DENND4C: variants seen among roughly 807,000 people sequenced by gnomAD.
DENND4C encodes the protein DENN domain containing 4C, also known as DENN domain-containing protein 4C.
In DENND4C, 108 loss-of-function variants were observed where a neutral mutation model predicts 203.0. The ratio of observed to expected loss-of-function variants is 0.53; its 90% CI spans 0.46 to 0.62. The LOEUF is 0.62. Among genes scored for constraint, DENND4C ranks in the 20% least tolerant of loss-of-function variants. The pLI is 0.00. For missense variants in DENND4C, 2,481 were observed against 2,301.2 expected, an observed-to-expected ratio of 1.08 and a Z score of -1.60; for synonymous variants, 871 against 792.4, an observed-to-expected ratio of 1.10 and a Z score of -1.67.
rs1047089780 is a variant in DENND4C, at chr9:19,286,636, G to A, written c.306-133G>A. On this transcript the variant is annotated intron_variant, in intron 2 of 32. Transcript: ENST00000434457. ...AGTGAAGATTTGGGAAACAATAGGA[G>A]AGACCAAAAAAATTTTCTTTGATTT... 5 of 800,024 alleles carry A rather than the reference G, an allele frequency of 6.2e-6. No homozygotes were observed. In the African/African-American group the frequency reaches 7.2e-5, roughly 11 times the overall value. The allele number at this position is 800,024 out of a possible 1,614,324, so 49.6% of individuals were successfully genotyped here. A position where few individuals can be genotyped will look rare whatever the true frequency, so the allele number is the denominator to read the frequency against.
chr9:19,300,638 T>C (rs112241219), intron 9 of DENND4C, among the ~76,000 whole-genome samples: 49 of 152,324 alleles, frequency 3.2e-4, no homozygotes, highest in African/African-American at 1.1e-3. Flanking sequence ...GCTGGTTGTA[T>C]TGAGAGGCTC....
intron 2 of DENND4C, among the ~76,000 whole-genome samples, chr9:19,283,370 C>T (rs1834518912): frequency 6.6e-6 from 1 of 151,972 alleles, no homozygotes; most frequent in Admixed American, 6.6e-5. Context: ...AAGGACCTGC[C>T]TGAGACTGTT....
At position 19,358,291 on chromosome 9, in the gene DENND4C, A is replaced by G. The variant is rs1825807042; in HGVS notation, c.5160+131A>G. 3 of 726,604 alleles carry G rather than the reference A, an allele frequency of 4.1e-6. No homozygotes were observed. Among genetic ancestry groups the G allele is most frequent in the South Asian group, 7.4e-5 (2 of 27,154 alleles). 45.0% of individuals were successfully genotyped at this position (726,604 alleles called of 1,614,324 possible). A position where few individuals can be genotyped will look rare whatever the true frequency, so the allele number is the denominator to read the frequency against. On this transcript the variant is annotated intron_variant, in intron 28 of 32. Coordinates refer to ENST00000434457, the MANE Select transcript of DENND4C (RefSeq NM_001330640.2). The surrounding 1 kb of genome is among the most constrained non-coding windows in gnomAD (Gnocchi z 4.8). Reference sequence around the variant, plus strand: ...TGATAGAGTTTTTCCATAAACAAATAACTTTTTATTGTGGAGAATTTCAAA... The same window carrying G: ...TGATAGAGTTTTTCCATAAACAAATGACTTTTTATTGTGGAGAATTTCAAA...
chr9:19,296,364 CTTTTTT>C (rs749134604), intron 6 of DENND4C, 118 bp downstream of exon 6: 2 of 480,570 alleles, frequency 4.2e-6, no homozygotes, highest in Admixed American at 3.7e-5. Context: ...TTTAACTGAA[CTTTTTT>C]TTTTTTTTTT....
intron 1 of DENND4C, among the ~76,000 whole-genome samples, chr9:19,235,490 A>C (rs1821707705): frequency 6.6e-6 from 1 of 151,968 alleles, no homozygotes; most frequent in Admixed American, 6.6e-5. Flanking sequence ...TGTAATTCTT[A>C]TACTCTTATA....
At chr9:19,285,299 A>G (rs1834960857) in intron 2 of DENND4C, among the ~76,000 whole-genome samples, 2 of 152,112 alleles carry the variant, frequency 1.3e-5, no homozygotes, top group South Asian at 2.1e-4. Flanking sequence ...TAACAGCTTT[A>G]TGGAGATACA....
At chr9:19,351,635 T>G (rs758125462) in intron 24 of DENND4C, among the ~76,000 whole-genome samples, 53 of 151,826 alleles carry the variant, frequency 3.5e-4, no homozygotes, top group Admixed American at 7.2e-4. Context: ...AGTGAAACCG[T>G]CTCTACTAAA....
rs1197172453 is a variant in DENND4C at position 19,242,723 on chromosome 9, T to A, written c.-18+11890T>A. 6.6e-5 allele frequency among the ~76,000 whole-genome samples: 10 copies of A among 152,162 alleles called. No homozygotes were observed. The East Asian group carries it at 1.4e-3, about 21-fold the overall frequency. ...CAGGCTGGAGTGCAATGGCGAGATC[T>A]CGGCTCACTGCAACCTCTGCCTCCT... On this transcript the variant is annotated intron_variant, in intron 1 of 32. Coordinates refer to ENST00000434457, the MANE Select transcript of DENND4C (RefSeq NM_001330640.2).
At chr9:19,371,647 T>C (rs764635238) in intron 31 of DENND4C, 109 bp from the exon 32 acceptor site, 17 of 607,016 alleles carry the variant, frequency 2.8e-5, no homozygotes, top group Non-Finnish European at 3.9e-5. Flanking sequence ...GACATAGTTA[T>C]ATTACTATTA....
intron 16 of DENND4C, among the ~76,000 whole-genome samples, chr9:19,328,484 G>T (rs919443349): frequency 6.6e-6 from 1 of 151,878 alleles, no homozygotes; most frequent in Non-Finnish European, 1.5e-5. Context: ...GTGGTGTCAG[G>T]CGCCTGTGAT....
intron 10 of DENND4C, among the ~76,000 whole-genome samples, chr9:19,315,059 C>T (rs1053293405): frequency 6.7e-6 from 1 of 150,006 alleles, no homozygotes; most frequent in East Asian, 2.0e-4. Context: ...ACTCAGGAGG[C>T]TGAGGCAGGA....
At chr9:19,337,845 A>G (rs899589553) in intron 20 of DENND4C, among the ~76,000 whole-genome samples, 1 of 152,124 alleles carries the variant, frequency 6.6e-6, no homozygotes, top group Non-Finnish European at 1.5e-5. Context: ...CTAACTTTTT[A>G]TGGTCAGTTT....
chr9:19,280,576 T>C (rs1275179017), intron 2 of DENND4C, among the ~76,000 whole-genome samples: 1 of 152,134 alleles, frequency 6.6e-6, no homozygotes, highest in Admixed American at 6.5e-5. Context: ...CTTAAGAAGA[T>C]AGGTAATATA....
rs376927957 is a variant in DENND4C at position 19,346,833 on chromosome 9, T to C, written c.4064T>C (p.Phe1355Ser). The C allele has an allele frequency of 6.8e-6, 11 of 1,614,060 alleles. No individual in the cohort carries two copies. The highest frequency in any genetic ancestry group is 4.0e-5 in the African/African-American group (3 of 74,926). Residue 1355 changes from phenylalanine to serine, a missense_variant, in exon 23 of 33, where the codon TTT becomes TCT. By Grantham distance (155) the Phe-to-Ser change is radical. Around this residue, in one of 3 missense-constraint regions of DENND4C, gnomAD observed 2,289 missense variants for 2,113.3 expected, o/e 1.08. Transcript: ENST00000434457. ...SSPAVSRSKT[F>S]TGRFKQQTPS... ...CCTGCAGTGTCCAGGTCTAAAACTTTTACTGGGCGTTTCAAGCAGCAAACC... is the reference window on the plus strand; with the variant it reads ...CCTGCAGTGTCCAGGTCTAAAACTTCTACTGGGCGTTTCAAGCAGCAAACC...
In DENND4C at chr9:19,341,016, G is replaced by C. The variant is rs1032288013; in HGVS notation, c.2906G>C (p.Gly969Ala). 1 of 1,612,636 alleles carries C rather than the reference G, an allele frequency of 6.2e-7. No homozygotes were observed. The highest frequency in any genetic ancestry group is 2.2e-5 in the East Asian group (1 of 44,750). The change falls in exon 21 of 33, where the codon GGG becomes GCG. Residue 969 changes from glycine to alanine, a missense_variant. Coordinates refer to ENST00000434457, the MANE Select transcript of DENND4C (RefSeq NM_001330640.2). Reference sequence around the variant, plus strand: ...GGTGGTCAGTCTGACCAAGGATACGGGTCTAAGGATGAACTTATAAAGGAT... The same window carrying C: ...GGTGGTCAGTCTGACCAAGGATACGCGTCTAAGGATGAACTTATAAAGGAT... ...STGGQSDQGYGSKDELIKDDA... is the reference protein window; with the variant it reads ...STGGQSDQGYASKDELIKDDA...
chr9:19,240,584 T>C (rs1182873300), intron 1 of DENND4C, among the ~76,000 whole-genome samples: 1 of 151,814 alleles, frequency 6.6e-6, no homozygotes, highest in Non-Finnish European at 1.5e-5. Context: ...GAGAATCACT[T>C]GAACCTGGGA....
rs150320765 is a variant in DENND4C at position 19,299,246 on chromosome 9, A to G, written c.1125A>G (p.Ala375=). The G allele has an allele frequency of 6.3e-7, 1 of 1,584,456 alleles. No individual in the cohort carries two copies. Residue 375 remains alanine (A), a synonymous_variant, in exon 8 of 33, where the codon GCA becomes GCG. Transcript: ENST00000434457. ...TTTTTAAGCTGTCAGTCCATGATGC[A>G]TTAATATTATCACAGCCAGTTTCTA... ...RILVQLSVHD[A]LILSQPVSTP...
chr9:19,314,033 G>A (rs879930545), intron 10 of DENND4C, among the ~76,000 whole-genome samples: 95 of 152,260 alleles, frequency 6.2e-4, no homozygotes, highest in Admixed American at 5.4e-3. Context: ...AGTGAGCTGA[G>A]ATTGTGCCAC....
At chr9:19,355,585 A>G (rs575634125) in intron 26 of DENND4C, among the ~76,000 whole-genome samples, 3 of 152,318 alleles carry the variant, frequency 2.0e-5, no homozygotes, top group Admixed American at 1.3e-4. Context: ...ATCATATTTC[A>G]GTTCCCATGT....
Sources: allele counts gnomAD v4.1 joint callset (sites outside exome capture counted in the v4.1 genomes callset), GRCh38; gene constraint gnomAD v4.1.1; regional missense constraint gnomAD v4.1.1; non-coding constraint Gnocchi (gnomAD v3.1); transcripts MANE v1.5; gene names NCBI Gene and HGNC (gene_info 2026-07-23, HGNC 2026-07-21).